PACRG: variants seen among roughly 807,000 people sequenced by gnomAD.
The protein encoded by PACRG is parkin coregulated.
PACRG carries 29 observed loss-of-function variants against 29.7 expected under a neutral mutation model. The observed-to-expected ratio is 0.98, with a 90% CI of 0.73 to 1.33. The LOEUF (loss-of-function observed/expected upper bound fraction) is 1.33, where lower values mean the gene tolerates loss of function less well. PACRG is among the 40% of genes most tolerant of loss of function. PACRG has a pLI of 0.00. For missense variants in PACRG, 279 were observed against 316.2 expected, an observed-to-expected ratio of 0.88 and a Z score of 0.89; for synonymous variants, 116 against 118.7, an observed-to-expected ratio of 0.98 and a Z score of 0.15.
chr6:162,927,041 A>G (rs1384230818), intron 2 of PACRG, among the ~76,000 whole-genome samples: 1 of 152,066 alleles, frequency 6.6e-6, no homozygotes, highest in Non-Finnish European at 1.5e-5. Flanking sequence ...GCAGCCAACA[A>G]ACATGCAAAA....
At chr6:162,825,211 A>G (rs540741796) in intron 2 of PACRG, among the ~76,000 whole-genome samples, 2 of 152,264 alleles carry the variant, frequency 1.3e-5, no homozygotes, top group Admixed American at 6.5e-5. Context: ...TCTACTCTGT[A>G]CTTTGAAATA....
At chr6:163,175,461 T>TC (rs201312395) in intron 4 of PACRG, among the ~76,000 whole-genome samples, 3,611 of 151,082 alleles carry the variant, frequency 0.024, 148 homozygotes, top group African/African-American at 0.083. Flanking sequence ...AGGACATCAC[T>TC]CCCCCCCAGC....
At chr6:163,015,719 T>C (rs1246790050) in intron 2 of PACRG, among the ~76,000 whole-genome samples, 1 of 152,200 alleles carries the variant, frequency 6.6e-6, no homozygotes, top group Non-Finnish European at 1.5e-5. Flanking sequence ...TCTGCTGAAA[T>C]AGTTTATCAG....
chr6:162,878,225 A>G (rs905601687), intron 2 of PACRG, among the ~76,000 whole-genome samples: 1 of 152,208 alleles, frequency 6.6e-6, no homozygotes, highest in Non-Finnish European at 1.5e-5. Flanking sequence ...ACATTTTTAC[A>G]ACATAATTAA....
chr6:162,947,601 T>TC (rs1562767147), intron 2 of PACRG, among the ~76,000 whole-genome samples: 2 of 70,780 alleles, frequency 2.8e-5, no homozygotes, highest in African/African-American at 9.7e-5. Context: ...TAATCATATA[T>TC]ATATATAATC....
At chr6:162,913,992 C>G (rs1471709445) in intron 2 of PACRG, among the ~76,000 whole-genome samples, 1 of 147,168 alleles carries the variant, frequency 6.8e-6, no homozygotes, top group Non-Finnish European at 1.5e-5. Context: ...CTATGTGTTT[C>G]AAATAATTTT....
At chr6:162,798,110 C>G (rs976605819) in intron 1 of PACRG, among the ~76,000 whole-genome samples, 24 of 152,172 alleles carry the variant, frequency 1.6e-4, no homozygotes, top group African/African-American at 5.3e-4. Context: ...ATACTTACTG[C>G]TGAATTGAAT....
Position 162,728,148 on chromosome 6 carries a change from A to AT in PACRG, c.-81dup, listed in dbSNP as rs1779421447. On this transcript the variant is annotated 5_prime_UTR_variant, in exon 1 of 5. Coordinates refer to ENST00000366888, the MANE Select transcript of PACRG (RefSeq NM_001080379.2). ...TTCTACCATTATCGCGCCTTTTGAT[A>AT]TTTTTTTCCAGACCTCCTGCTCACA... The AT allele has an allele frequency of 6.8e-7, 1 of 1,476,176 alleles. No homozygotes were observed. The highest frequency in any genetic ancestry group is 2.3e-5 in the East Asian group (1 of 43,876). 91.4% of individuals were successfully genotyped at this position (1,476,176 alleles called of 1,614,324 possible).
chr6:162,943,117 G>A (rs886234490), intron 2 of PACRG, among the ~76,000 whole-genome samples: 2 of 152,162 alleles, frequency 1.3e-5, no homozygotes, highest in African/African-American at 4.8e-5. Context: ...AACATGGGGA[G>A]CTGCCTGGAA....
intron 4 of PACRG, among the ~76,000 whole-genome samples, chr6:163,271,212 C>T (rs2321511): frequency 0.65 from 99,150 of 151,552 alleles, 32,436 homozygotes; most frequent in Middle Eastern, 0.69. Context: ...CATTCTTCTG[C>T]CTGCTTTTAT....
chr6:163,087,491 G>C (rs1015131327), intron 3 of PACRG, among the ~76,000 whole-genome samples: 3 of 149,234 alleles, frequency 2.0e-5, no homozygotes, highest in Non-Finnish European at 4.4e-5. Context: ...CAGGACCAGA[G>C]GAGAGGAGGT....
intron 2 of PACRG, among the ~76,000 whole-genome samples, chr6:162,926,715 T>G (rs954326626): frequency 6.6e-6 from 1 of 152,212 alleles, no homozygotes; most frequent in South Asian, 2.1e-4. Flanking sequence ...GAAGAAAACC[T>G]AGGCAATACC....
intron 1 of PACRG, among the ~76,000 whole-genome samples, chr6:162,772,490 A>G (rs9456811): frequency 0.27 from 41,053 of 152,136 alleles, 6,249 homozygotes; most frequent in East Asian, 0.48. Context: ...TTGGAGAAAT[A>G]AGGAAAAAGA....
At chr6:163,263,666 A>G (rs749060486) in intron 4 of PACRG, among the ~76,000 whole-genome samples, 3 of 152,214 alleles carry the variant, frequency 2.0e-5, no homozygotes, top group Non-Finnish European at 2.9e-5. Flanking sequence ...TCATTGAAAC[A>G]GTTTATGAAA....
intron 4 of PACRG, among the ~76,000 whole-genome samples, chr6:163,171,395 T>G (rs990309999): frequency 6.6e-6 from 1 of 152,234 alleles, no homozygotes; most frequent in Non-Finnish European, 1.5e-5. Context: ...AAGCCGTTTA[T>G]CTGCTTTTGC....
At chr6:162,754,529 A>C (rs1781748830) in intron 1 of PACRG, among the ~76,000 whole-genome samples, 1 of 152,104 alleles carries the variant, frequency 6.6e-6, no homozygotes, top group South Asian at 2.1e-4. Context: ...GTTATATCCA[A>C]AAAATAACTG....
intron 2 of PACRG, among the ~76,000 whole-genome samples, chr6:162,881,650 A>T (rs1056192423): frequency 1.4e-4 from 18 of 132,888 alleles, no homozygotes; most frequent in African/African-American, 4.9e-4. Context: ...GACCTGGGGG[A>T]ATTCTTCACC....
At chr6:163,031,786 T>C (rs1807690608) in intron 2 of PACRG, among the ~76,000 whole-genome samples, 1 of 152,168 alleles carries the variant, frequency 6.6e-6, no homozygotes, top group Non-Finnish European at 1.5e-5. Context: ...TTTTCTGAGA[T>C]CCCAAGATAA....
intron 2 of PACRG, among the ~76,000 whole-genome samples, chr6:163,015,026 A>G (rs1382786693): frequency 2.0e-5 from 3 of 152,152 alleles, no homozygotes; most frequent in Admixed American, 6.5e-5. Flanking sequence ...ATTTTTTTGT[A>G]TAGTGAAAAG....
Sources: gnomAD v4.1 joint callset for allele counts (sites outside exome capture counted in the v4.1 genomes callset) on GRCh38, gnomAD v4.1.1 for gene constraint, MANE v1.5 for transcripts, NCBI Gene and HGNC (gene_info 2026-07-23, HGNC 2026-07-21) for gene names.